The following WDR12 variants were observed in gnomAD, a reference collection of about 807,000 sequenced individuals.
The protein encoded by WDR12 is ribosome biogenesis protein WDR12.
A neutral mutation model predicts 64.3 loss-of-function variants in WDR12; 42 were observed. The ratio of observed to expected loss-of-function variants is 0.65; its 90% CI spans 0.51 to 0.84. The LOEUF (loss-of-function observed/expected upper bound fraction) is 0.84. WDR12 is among the 40% of genes least tolerant of loss of function. The pLI is 0.00. For synonymous variants in WDR12, 158 were observed against 173.3 expected, an observed-to-expected ratio of 0.91 and a Z score of 0.70; for missense variants, 469 against 494.6, an observed-to-expected ratio of 0.95 and a Z score of 0.49.
intron 6 of WDR12, among the ~76,000 whole-genome samples, chr2:202,894,974 A>C (rs1688213507): frequency 2.0e-5 from 3 of 152,184 alleles, no homozygotes; most frequent in African/African-American, 7.2e-5. Context: ...GTGGTTGTTC[A>C]ATCTTTCCTT....
At chr2:202,893,149 GTTTT>G (rs543793007) in intron 7 of WDR12, among the ~76,000 whole-genome samples, 1 of 151,706 alleles carries the variant, frequency 6.6e-6, no homozygotes, top group African/African-American at 2.4e-5. Flanking sequence ...AATGTTTCTG[GTTTT>G]TTTGAGTTTT....
chr2:202,884,581 A>G (rs910385565), intron 8 of WDR12, 46 bp from the exon 9 acceptor site: 2 of 1,565,180 alleles, frequency 1.3e-6, no homozygotes, highest in Admixed American at 2.0e-5. Context: ...TCATTACAGA[A>G]TAATTGAAAC....
intron 1 of WDR12, among the ~76,000 whole-genome samples, chr2:202,908,241 C>G (rs1426176630): frequency 6.6e-6 from 1 of 152,132 alleles, no homozygotes; most frequent in Admixed American, 6.5e-5. Context: ...AAAAGGAGGG[C>G]AGGGGAGCAG....
intron 1 of WDR12, among the ~76,000 whole-genome samples, chr2:202,910,335 C>T (rs1688551172): frequency 6.6e-6 from 1 of 152,052 alleles, no homozygotes; most frequent in Admixed American, 6.6e-5. Context: ...CCAGCATGGC[C>T]ACCAAGACAA....
At chr2:202,892,810 G>A in intron 7 of WDR12, 108 bp from the exon 8 acceptor site, 1 of 633,544 alleles carries the variant, frequency 1.6e-6, no homozygotes, top group Admixed American at 3.2e-5. Context: ...TTATCACACA[G>A]TTAGGGAATG....
intron 8 of WDR12, among the ~76,000 whole-genome samples, chr2:202,888,283 G>C (rs1229003247): frequency 6.6e-6 from 1 of 152,180 alleles, no homozygotes; most frequent in Non-Finnish European, 1.5e-5. Context: ...ACAGAGTAGT[G>C]GTTTTCAGAG....
chr2:202,896,829 A>G (rs777129410), intron 5 of WDR12, among the ~76,000 whole-genome samples: 18 of 152,154 alleles, frequency 1.2e-4, no homozygotes, highest in Admixed American at 3.3e-4. Context: ...TCTACTAAAA[A>G]TACAAAAATT....
At chr2:202,899,474 G>T in intron 4 of WDR12, 57 bp downstream of exon 4, 1 of 1,449,100 alleles carries the variant, frequency 6.9e-7, no homozygotes, top group Non-Finnish European at 9.6e-7. Flanking sequence ...GATTTAAAAA[G>T]ACTGAAGGAG....
intron 12 of WDR12, among the ~76,000 whole-genome samples, chr2:202,881,687 A>G (rs1420562857): frequency 1.3e-5 from 2 of 152,236 alleles, no homozygotes; most frequent in East Asian, 3.9e-4. Context: ...AGGCTAGGGC[A>G]AGAGGATCAC....
At position 202,901,000 on chromosome 2, in the gene WDR12, A is replaced by G. The variant is rs751060934; in HGVS notation, c.231+25T>C. On this transcript the variant is annotated intron_variant, in intron 3 of 12. Transcript: ENST00000261015. The stretch of plus-strand genomic sequence containing the variant: ...TAGCCGATAATGCCTCAAGTGAAAT[A>G]CAGAAGATAAGAATTTGAACTTACT... 4.5e-6 allele frequency: 7 copies of G among 1,541,496 alleles called. No individual in the cohort carries two copies. The Admixed American group carries it at 1.0e-4, about 23-fold the overall frequency.
chr2:202,910,153 C>G (rs1688540935), intron 1 of WDR12, among the ~76,000 whole-genome samples: 1 of 152,146 alleles, frequency 6.6e-6, no homozygotes, highest in Non-Finnish European at 1.5e-5. Flanking sequence ...CACACACACA[C>G]ATATGACATG....
At chr2:202,903,512 G>C (rs1217378489) in intron 2 of WDR12, among the ~76,000 whole-genome samples, 1 of 147,942 alleles carries the variant, frequency 6.8e-6, no homozygotes, top group African/African-American at 2.5e-5. Context: ...AGTGAGGGAG[G>C]GAGGGAGGGA....
intron 2 of WDR12, among the ~76,000 whole-genome samples, chr2:202,905,509 C>T (rs1169640667): frequency 2.0e-5 from 3 of 152,158 alleles, no homozygotes; most frequent in Admixed American, 2.0e-4. Flanking sequence ...AAAGGGACCC[C>T]TCATAAACCT....
At chr2:202,897,899 A>AAAAAAAT (rs1688277291) in intron 4 of WDR12, among the ~76,000 whole-genome samples, 1 of 56,560 alleles carries the variant, frequency 1.8e-5, no homozygotes, top group Non-Finnish European at 4.2e-5. Context: ...AAAAAAAAAA[A>AAAAAAAT]AAAAAAAAAA....
rs183039835 is a variant in WDR12 at position 202,882,611 on chromosome 2, A to G, written c.1194+100T>C. On this transcript the variant is annotated intron_variant, in intron 12 of 12. Coordinates refer to ENST00000261015, the MANE Select transcript of WDR12 (RefSeq NM_018256.4). ...CCAAAGTGCTGCGATTACAGGCGTG[A>G]GCCACTGCACCCGGCCCGAAACTAA... 3.9e-4 allele frequency: 479 copies of G among 1,223,642 alleles called. 6 individuals are homozygous for G. The East Asian group carries it at 7.8e-3, about 20-fold the overall frequency. The allele number at this position is 1,223,642 out of a possible 1,614,324, so 75.8% of individuals were successfully genotyped here.
chr2:202,884,011 C>G (rs892278573), intron 10 of WDR12, 187 bp downstream of exon 10: 1 of 656,942 alleles, frequency 1.5e-6, no homozygotes. Flanking sequence ...CAGGGTTTCT[C>G]TATGTTGGCC....
chr2:202,908,107 A>C, intron 1 of WDR12, 148 bp from the exon 2 acceptor site: 1 of 722,258 alleles, frequency 1.4e-6, no homozygotes, highest in Non-Finnish European at 2.4e-6. Flanking sequence ...GAATTAAAAC[A>C]TGGTCTCTGT....
rs754998743 is a variant in WDR12, at chr2:202,888,946, G to A, written c.741+3671C>T. Among the ~76,000 whole-genome samples, 49 of 152,108 alleles carry A rather than the reference G, an allele frequency of 3.2e-4. 1 individual carries two copies. The highest frequency in any genetic ancestry group is 6.0e-4 in the Non-Finnish European group (41 of 68,026). ...GCTGGTCTCAAACTCCTAGGCTCAA[G>A]TGATCCTCCAGTGTTGGCTTCAAAG... On this transcript the variant is annotated intron_variant, in intron 8 of 12. Transcript: ENST00000261015.
intron 8 of WDR12, among the ~76,000 whole-genome samples, chr2:202,887,204 T>C (rs1453248157): frequency 1.3e-5 from 2 of 152,094 alleles, no homozygotes; most frequent in Admixed American, 6.5e-5. Context: ...TTCGCATTTT[T>C]AGTACAGACG....
Sources: allele counts gnomAD v4.1 joint callset (sites outside exome capture counted in the v4.1 genomes callset), GRCh38; gene constraint gnomAD v4.1.1; transcripts MANE v1.5; gene names NCBI Gene and HGNC (gene_info 2026-07-23, HGNC 2026-07-21).